FBXW10: variants seen among roughly 807,000 people sequenced by gnomAD.
FBXW10 encodes F-box and WD repeat domain containing 10, also known as F-box/WD repeat-containing protein 10.
In FBXW10, 68 loss-of-function variants were observed where a neutral mutation model predicts 113.1. The observed-to-expected ratio is 0.60, with a 90% CI of 0.49 to 0.74. The LOEUF (loss-of-function observed/expected upper bound fraction) is 0.74. FBXW10 is among the 30% of genes least tolerant of loss of function. The pLI is 0.00. For missense variants in FBXW10, 753 were observed against 1,284.5 expected (o/e 0.59, Z 6.32); for synonymous variants, 289 against 481.6 (o/e 0.60, Z 5.24).
At chr17:18,771,105 TAA>T (rs370339129) in intron 11 of FBXW10, among the ~76,000 whole-genome samples, 1 of 138,852 alleles carries the variant, frequency 7.2e-6, no homozygotes. Context: ...GTCATGCTGC[TAA>T]AAAAAAAAAA....
chr17:18,744,194 C>T lies in FBXW10; in HGVS notation c.-51C>T, dbSNP rs568114049. 13 of 1,534,704 alleles carry T rather than the reference C, an allele frequency of 8.5e-6. No homozygotes were observed. The highest frequency in any genetic ancestry group is 5.1e-5 in the South Asian group (4 of 78,842). ...CCCCCGTTCCTCTAGTGTTTGGTGGCGTTGCCGTTGCAAGTGCGCAGGGCT... is the reference window on the plus strand; with the variant it reads ...CCCCCGTTCCTCTAGTGTTTGGTGGTGTTGCCGTTGCAAGTGCGCAGGGCT... On this transcript the variant is annotated 5_prime_UTR_variant, in exon 1 of 14. Coordinates refer to ENST00000395665, the MANE Select transcript of FBXW10 (RefSeq NM_001267585.2).
At chr17:18,755,554 G>GAAA (rs113240009) in intron 5 of FBXW10, among the ~76,000 whole-genome samples, 47 of 148,570 alleles carry the variant, frequency 3.2e-4, no homozygotes, top group Non-Finnish European at 4.3e-4. Context: ...GACTCCGTCT[G>GAAA]AAAAAAAAAA....
Position 18,744,455 on chromosome 17 carries a change from C to A in FBXW10, c.211C>A (p.His71Asn), listed in dbSNP as rs771803969. 3 of 1,613,688 alleles carry A rather than the reference C, an allele frequency of 1.9e-6. No individual in the cohort carries two copies. Among genetic ancestry groups the A allele is most frequent in the Admixed American group, 3.3e-5 (2 of 59,976 alleles). Residue 71 changes from histidine (H) to asparagine (N), a missense_variant, in exon 1 of 14, where the codon CAC (histidine) becomes AAC (asparagine). Physicochemically the swap from His to Asn is moderately conservative, Grantham distance 68. Transcript: ENST00000395665. ...LKQLNSLYLLHYFQNILQTTQ... is the reference protein window; with the variant it reads ...LKQLNSLYLLNYFQNILQTTQ... The stretch of plus-strand genomic sequence containing the variant: ...GCAGTTAAATAGCTTATATTTGTTA[C>A]ACTATTTCCAAAATATCCTTCAGAC...
intron 7 of FBXW10, among the ~76,000 whole-genome samples, chr17:18,763,017 A>C (rs2035416535): frequency 6.7e-6 from 1 of 148,910 alleles, no homozygotes; most frequent in African/African-American, 2.5e-5. Context: ...GTAGGCTCTG[A>C]GAAACTGGTA....
chr17:18,778,059 G>C (rs542659751), intron 13 of FBXW10, among the ~76,000 whole-genome samples: 1 of 151,618 alleles, frequency 6.6e-6, no homozygotes, highest in African/African-American at 2.4e-5. Flanking sequence ...GGCCATCCTG[G>C]CTAACACGGT....
intron 8 of FBXW10, among the ~76,000 whole-genome samples, chr17:18,766,367 A>C (rs1182650161): frequency 6.6e-6 from 1 of 152,080 alleles, no homozygotes; most frequent in Non-Finnish European, 1.5e-5. Flanking sequence ...GATTTTTATG[A>C]AATCTACTCG....
chr17:18,767,337 G>A (rs1038104068), intron 9 of FBXW10, among the ~76,000 whole-genome samples: 4 of 151,730 alleles, frequency 2.6e-5, no homozygotes, highest in African/African-American at 4.8e-5. Flanking sequence ...AAAATTAGCC[G>A]GGCATGGTGG....
chr17:18,765,048 G>A (rs577378221), intron 8 of FBXW10, among the ~76,000 whole-genome samples, 185 bp downstream of exon 8: 1 of 151,890 alleles, frequency 6.6e-6, no homozygotes, highest in Non-Finnish European at 1.5e-5. Flanking sequence ...TTCAACAGCT[G>A]TCTGTAGAAT....
intron 5 of FBXW10, among the ~76,000 whole-genome samples, chr17:18,755,429 C>T (rs546912477): frequency 1.3e-5 from 2 of 152,206 alleles, no homozygotes; most frequent in East Asian, 3.9e-4. Context: ...GTGGTGCACG[C>T]TTGTAGTCCC....
intron 12 of FBXW10, among the ~76,000 whole-genome samples, chr17:18,774,481 G>A (rs574878645): frequency 2.6e-5 from 4 of 152,296 alleles, no homozygotes; most frequent in African/African-American, 9.6e-5. Flanking sequence ...TTGGTTGCAC[G>A]GTAGGATGAC....
At chr17:18,764,655 A>G (rs572080408) in intron 7 of FBXW10, 87 bp from the exon 8 acceptor site, 134 of 1,585,720 alleles carry the variant, frequency 8.5e-5, no homozygotes, top group Admixed American at 5.5e-4. Flanking sequence ...CTGCCTCCCA[A>G]CTAACTACTT....
chr17:18,775,286 C>T, intron 13 of FBXW10, 94 bp downstream of exon 13: 1 of 796,200 alleles, frequency 1.3e-6, no homozygotes, highest in South Asian at 1.5e-5. Flanking sequence ...GGAGATAAGA[C>T]AAAAAGTCAT....
Position 18,744,056 on chromosome 17 carries a change from A to G in FBXW10, c.-189A>G, listed in dbSNP as rs1401379563. 3 of 839,348 alleles carry G rather than the reference A, an allele frequency of 3.6e-6. No homozygotes were observed. Among genetic ancestry groups the G allele is most frequent in the Non-Finnish European group, 5.4e-6 (3 of 555,662 alleles). The allele number at this position is 839,348 out of a possible 1,614,324, so 52.0% of individuals were successfully genotyped here. A position where few individuals can be genotyped will look rare whatever the true frequency, so the allele number is the denominator to read the frequency against. ...CAAGGAGGTCTGTACAAAAAGCCAG[A>G]CTTCTGCTGGCAGTTACTGAGAGAG... On this transcript the variant is annotated 5_prime_UTR_variant, in exon 1 of 14. Coordinates refer to ENST00000395665, the MANE Select transcript of FBXW10 (RefSeq NM_001267585.2).
chr17:18,767,641 G>A (rs539903903), intron 9 of FBXW10, among the ~76,000 whole-genome samples: 3 of 152,238 alleles, frequency 2.0e-5, no homozygotes, highest in South Asian at 4.1e-4. Context: ...TAGCCTTAGC[G>A]GGTGGTGTTG....
At chr17:18,745,026 T>C (rs759240876) in intron 1 of FBXW10, 98 of 1,334,400 alleles carry the variant, frequency 7.3e-5, no homozygotes, top group Middle Eastern at 2.9e-4. Context: ...CTGCATCTCA[T>C]AGGCCCAGAA....
At chr17:18,754,053 C>T (rs1463821523) in intron 5 of FBXW10, among the ~76,000 whole-genome samples, 1 of 152,068 alleles carries the variant, frequency 6.6e-6, no homozygotes, top group Admixed American at 6.6e-5. Context: ...GCCTGATGCC[C>T]GCAGCTCTGC....
intron 11 of FBXW10, among the ~76,000 whole-genome samples, chr17:18,770,447 C>T (rs1334649797): frequency 6.6e-5 from 10 of 151,988 alleles, no homozygotes; most frequent in Admixed American, 5.9e-4. Flanking sequence ...GGATTACAGG[C>T]GCCCACCAGT....
chr17:18,757,596 A>G (rs9899562), intron 6 of FBXW10, among the ~76,000 whole-genome samples: 1,747 of 152,166 alleles, frequency 0.011, 20 homozygotes, highest in African/African-American at 0.041. Flanking sequence ...ACAGGGAGTT[A>G]TTATTGCGCC....
At chr17:18,749,658 G>A in intron 2 of FBXW10, 64 bp from the exon 3 acceptor site, 1 of 1,611,458 alleles carries the variant, frequency 6.2e-7, no homozygotes, top group East Asian at 2.2e-5. Context: ...GTGGGGACTT[G>A]TTCTTGGCCT....
Sources: gnomAD v4.1 joint callset for allele counts (sites outside exome capture counted in the v4.1 genomes callset) on GRCh38, gnomAD v4.1.1 for gene constraint, MANE v1.5 for transcripts, NCBI Gene and HGNC (gene_info 2026-07-23, HGNC 2026-07-21) for gene names.